Variants in PCDHGA2 observed in about 807,000 individuals in gnomAD.
The protein encoded by PCDHGA2 is protocadherin gamma-A2.
In PCDHGA2, 40 loss-of-function variants were observed where a neutral mutation model predicts 59.2. The observed-to-expected ratio is 0.68, with a 90% CI of 0.52 to 0.88. The LOEUF is 0.88. Among genes scored for constraint, PCDHGA2 ranks in the 40% least tolerant of loss-of-function variants. The pLI is 0.00. For missense variants in PCDHGA2, 1,226 were observed against 1,204.0 expected, an observed-to-expected ratio of 1.02 and a Z score of -0.27; for synonymous variants, 560 against 526.0, an observed-to-expected ratio of 1.06 and a Z score of -0.89.
rs2097438776 is a variant in PCDHGA2 at position 141,432,018 on chromosome 5, T to C, written c.2425-62789T>C. Reference sequence around the variant, plus strand: ...AGGGAACAGGTTCCTAGCTACAACATCACAGTGACCGCCACTGACCGGGGA... The same window carrying C: ...AGGGAACAGGTTCCTAGCTACAACACCACAGTGACCGCCACTGACCGGGGA... On this transcript the variant is annotated intron_variant, in intron 1 of 3. Transcript: ENST00000394576. This position sits in a 1 kb window ranked among gnomAD's most constrained non-coding sequence, Gnocchi z 6.0. 1.9e-6 allele frequency: 3 copies of C among 1,614,048 alleles called. No homozygotes were observed. In the South Asian group the frequency reaches 3.3e-5, roughly 18 times the overall value.
At chr5:141,437,983 A>C (rs544812394) in intron 1 of PCDHGA2, among the ~76,000 whole-genome samples, 1 of 152,056 alleles carries the variant, frequency 6.6e-6, no homozygotes, top group Admixed American at 6.5e-5. Context: ...GGATGCACCC[A>C]CCCCACCTCA....
intron 1 of PCDHGA2, chr5:141,408,823 T>G: frequency 4.3e-6 from 7 of 1,613,568 alleles, no homozygotes; most frequent in Non-Finnish European, 5.9e-6. Flanking sequence ...AACAGAGATC[T>G]CATAGCTTGA....
chr5:141,351,867 C>T, intron 1 of PCDHGA2: 1 of 1,613,254 alleles, frequency 6.2e-7, no homozygotes, highest in Non-Finnish European at 8.5e-7. Context: ...CAGGGCTCCC[C>T]CGCGCTCAGC....
At chr5:141,400,126 G>A (rs1428204829) in intron 1 of PCDHGA2, 2 of 1,613,972 alleles carry the variant, frequency 1.2e-6, no homozygotes, top group East Asian at 2.2e-5. Context: ...CTTGCAGGAG[G>A]TGCTGCCGGA....
chr5:141,506,177 G>T (rs1024892091), intron 3 of PCDHGA2, among the ~76,000 whole-genome samples: 4 of 152,142 alleles, frequency 2.6e-5, no homozygotes, highest in African/African-American at 9.7e-5. Context: ...TAAGCTGGGC[G>T]TGGTGGCTCA....
intron 1 of PCDHGA2, chr5:141,468,330 C>CAAAAAAAAA (rs533390277): frequency 1.3e-5 from 1 of 79,886 alleles, no homozygotes; most frequent in African/African-American, 3.9e-5. Context: ...AACTCCATCT[C>CAAAAAAAAA]AAAAAAAAAA....
intron 1 of PCDHGA2, chr5:141,414,163 G>A (rs1455950284): frequency 5.6e-6 from 9 of 1,603,256 alleles, no homozygotes; most frequent in Non-Finnish European, 7.7e-6. Flanking sequence ...AGATGGAGGA[G>A]CATATCTTGC....
chr5:141,389,208 G>A (rs762367131), intron 1 of PCDHGA2: 7 of 1,613,930 alleles, frequency 4.3e-6, no homozygotes, highest in Non-Finnish European at 5.9e-6. Context: ...GCACATTGGT[G>A]ATGTAAATGA....
intron 1 of PCDHGA2, chr5:141,374,117 G>T: frequency 1.9e-6 from 3 of 1,587,564 alleles, no homozygotes; most frequent in South Asian, 1.1e-5. Context: ...GCAGCGCAGC[G>T]AGCAGGTCCT....
intron 3 of PCDHGA2, among the ~76,000 whole-genome samples, chr5:141,510,092 T>C (rs973542449): frequency 6.6e-6 from 1 of 152,138 alleles, no homozygotes; most frequent in South Asian, 2.1e-4. Flanking sequence ...TGGCACACAG[T>C]AGGTGCTCAA....
At chr5:141,364,827 C>T in intron 1 of PCDHGA2, 1 of 1,613,996 alleles carries the variant, frequency 6.2e-7, no homozygotes, top group Non-Finnish European at 8.5e-7. Flanking sequence ...GGTGTGAACT[C>T]TCTCCGGAGT....
intron 1 of PCDHGA2, chr5:141,399,783 C>T: frequency 6.2e-7 from 1 of 1,613,300 alleles, no homozygotes; most frequent in Non-Finnish European, 8.5e-7. Context: ...GCGACCGAAA[C>T]GACAACGCAC....
chr5:141,375,645 A>G (rs1052759532), intron 1 of PCDHGA2: 1 of 1,614,002 alleles, frequency 6.2e-7, no homozygotes, highest in African/African-American at 1.3e-5. Flanking sequence ...CGCTCCTTCG[A>G]CTATGAGCAG....
chr5:141,412,285 C>T (rs957716949), intron 1 of PCDHGA2: 3 of 152,194 alleles, frequency 2.0e-5, no homozygotes, highest in Non-Finnish European at 4.4e-5. Context: ...TCAAATTCTA[C>T]GTATTTCTTT....
chr5:141,389,322 G>C lies in PCDHGA2; in HGVS notation c.2424+47927G>C, dbSNP rs752301649. ...AGTCAGGGCTTCTGATCCGGACTTG[G>C]GGCCCAACGGCCAAGTCTCTTACTG... On this transcript the variant is annotated intron_variant, in intron 1 of 3. Transcript: ENST00000394576. 2 of 1,613,984 alleles carry C rather than the reference G, an allele frequency of 1.2e-6. No homozygotes were observed. Among genetic ancestry groups the C allele is most frequent in the East Asian group, 2.2e-5 (1 of 44,880 alleles).
At chr5:141,389,146 C>G (rs567517174) in intron 1 of PCDHGA2, 2 of 1,613,996 alleles carry the variant, frequency 1.2e-6, no homozygotes, top group Non-Finnish European at 1.7e-6. Context: ...ATAACCGTTA[C>G]GGCAACAGAT....
At chr5:141,452,227 T>C (rs2098736376) in intron 1 of PCDHGA2, among the ~76,000 whole-genome samples, 1 of 152,232 alleles carries the variant, frequency 6.6e-6, no homozygotes, top group African/African-American at 2.4e-5. Context: ...CTCTTCAAGC[T>C]GGTTCTTGTG....
intron 1 of PCDHGA2, chr5:141,383,242 A>C: frequency 1.9e-6 from 3 of 1,613,970 alleles, no homozygotes; most frequent in Non-Finnish European, 2.5e-6. Flanking sequence ...AGATAAAATG[A>C]ATCTTTACCC....
intron 1 of PCDHGA2, chr5:141,385,132 G>C (rs763210124): frequency 1.2e-6 from 2 of 1,614,094 alleles, no homozygotes; most frequent in African/African-American, 1.3e-5. Flanking sequence ...GGGCATGGAC[G>C]GGGTGCAGGC....
Sources: gnomAD v4.1 joint callset for allele counts (sites outside exome capture counted in the v4.1 genomes callset) on GRCh38, gnomAD v4.1.1 for gene constraint, Gnocchi (gnomAD v3.1) non-coding constraint, MANE v1.5 for transcripts, NCBI Gene and HGNC (gene_info 2026-07-23, HGNC 2026-07-21) for gene names.